Variants in FARP2 observed in about 807,000 individuals in gnomAD.
The protein encoded by FARP2 is FERM, ARH/RhoGEF and pleckstrin domain protein 2.
FARP2 carries 111 observed loss-of-function variants against 130.5 expected under a neutral mutation model. That is an observed-to-expected ratio of 0.85 (90% confidence interval 0.73 to 1.00). The LOEUF (loss-of-function observed/expected upper bound fraction) is 1.00. Ranked by LOEUF, FARP2 falls within the 50% of genes least tolerant of loss-of-function variation. The pLI, the probability that FARP2 is intolerant of heterozygous loss-of-function variation, is 0.00. For missense variants in FARP2, 1,385 were observed against 1,346.3 expected (o/e 1.03, Z -0.45); for synonymous variants, 504 against 516.9 (o/e 0.98, Z 0.34).
intron 8 of FARP2, among the ~76,000 whole-genome samples, chr2:241,424,989 C>G (rs544712465): frequency 1.3e-5 from 2 of 152,280 alleles, no homozygotes; most frequent in East Asian, 3.9e-4. Flanking sequence ...GGGCAGATCA[C>G]TTGATGTCAG....
Position 241,386,228 on chromosome 2 carries a change from C to G in FARP2, c.183+12938C>G, listed in dbSNP as rs534801437. Among the ~76,000 whole-genome samples the G allele has an allele frequency of 2.0e-5, 3 of 152,160 alleles. No homozygotes were observed. The East Asian group carries it at 5.8e-4, about 29-fold the overall frequency. ...CCATCTCAGCCTTCCAAGTGCCCCA[C>G]CACACCCAGCCAATTAAAAAATATA... On this transcript the variant is annotated intron_variant, in intron 2 of 26. Coordinates refer to ENST00000264042, the MANE Select transcript of FARP2 (RefSeq NM_014808.4).
intron 1 of FARP2, among the ~76,000 whole-genome samples, chr2:241,364,588 A>C (rs2061262504): frequency 6.6e-6 from 1 of 152,234 alleles, no homozygotes; most frequent in South Asian, 2.1e-4. Flanking sequence ...ATAGTCCAAG[A>C]AGTAAAGCTA....
chr2:241,487,060 A>G (rs545614773), intron 21 of FARP2, among the ~76,000 whole-genome samples: 5 of 152,082 alleles, frequency 3.3e-5, no homozygotes, highest in Non-Finnish European at 7.3e-5. Flanking sequence ...CGTGCTGGTC[A>G]CTCTGGTCTC....
chr2:241,476,475 G>T (rs2064467623), intron 19 of FARP2, among the ~76,000 whole-genome samples: 1 of 152,142 alleles, frequency 6.6e-6, no homozygotes, highest in African/African-American at 2.4e-5. Flanking sequence ...ATCACCTGAG[G>T]TTGGGAGTTC....
At chr2:241,368,982 A>C (rs1166130080) in intron 1 of FARP2, among the ~76,000 whole-genome samples, 1 of 152,140 alleles carries the variant, frequency 6.6e-6, no homozygotes, top group Non-Finnish European at 1.5e-5. Flanking sequence ...ACAGAGTACC[A>C]CAGGGTCATC....
At chr2:241,456,430 T>C (rs966662322) in intron 13 of FARP2, 1 of 241,756 alleles carries the variant, frequency 4.1e-6, no homozygotes, top group Admixed American at 5.5e-5. Context: ...TTTATCATAG[T>C]TACATATTCT....
intron 26 of FARP2, 74 bp downstream of exon 26, chr2:241,493,518 G>C (rs2065008211): frequency 1.2e-5 from 17 of 1,464,374 alleles, no homozygotes; most frequent in Non-Finnish European, 1.6e-5. Context: ...TACTCATGGT[G>C]GTGGAGGCAA....
chr2:241,407,408 C>A, intron 4 of FARP2, 129 bp from the exon 5 acceptor site: 1 of 699,802 alleles, frequency 1.4e-6, no homozygotes, highest in Non-Finnish European at 2.5e-6. Context: ...TTCTTAATAT[C>A]ATATTATTTG....
chr2:241,402,836 T>TTTTATA (rs1463491106), intron 2 of FARP2, among the ~76,000 whole-genome samples: 26 of 16,826 alleles, frequency 1.5e-3, no homozygotes, highest in South Asian at 2.4e-3. Flanking sequence ...CCCAGCTAAT[T>TTTTATA]TATATATATA....
chr2:241,463,401 A>G lies in FARP2; in HGVS notation c.1744A>G (p.Asn582Asp). ...GACTCTGATGACGCTGCTCTTCTCC[A>G]ACATCGATCCCATCTATGAGTTCCA... Reference protein sequence around the residue: ...PATLMTLLFSNIDPIYEFHRG... With the variant: ...PATLMTLLFSDIDPIYEFHRG... The change falls in exon 16 of 27, where the codon AAC becomes GAC. Residue 582 changes from asparagine to aspartate, a missense_variant. Physicochemically the swap from Asn to Asp is conservative, Grantham distance 23 (BLOSUM62 1). Coordinates refer to ENST00000264042, the MANE Select transcript of FARP2 (RefSeq NM_014808.4). 2 of 1,614,140 alleles carry G rather than the reference A, an allele frequency of 1.2e-6. No homozygotes were observed. The highest frequency in any genetic ancestry group is 1.7e-6 in the Non-Finnish European group (2 of 1,180,030).
rs757897858 is a variant in FARP2 at position 241,468,309 on chromosome 2, A to G, written c.2063A>G (p.Tyr688Cys). Reference protein sequence around the residue: ...LLKPIQRLLHYRLLLRRLCGH... With the variant: ...LLKPIQRLLHCRLLLRRLCGH... ...AAGCCCATCCAGCGGCTGCTGCACTACCGCCTGCTGCTGCGCCGCCTATGC... is the reference window on the plus strand; with the variant it reads ...AAGCCCATCCAGCGGCTGCTGCACTGCCGCCTGCTGCTGCGCCGCCTATGC... The change falls in exon 18 of 27, where the codon TAC becomes TGC. Residue 688 changes from tyrosine (Y) to cysteine (C), a missense_variant. By Grantham distance (194) the Tyr-to-Cys change is radical. Transcript: ENST00000264042. The G allele has an allele frequency of 6.2e-7, 1 of 1,613,234 alleles. No homozygotes were observed. The highest frequency in any genetic ancestry group is 8.5e-7 in the Non-Finnish European group (1 of 1,180,014).
At chr2:241,382,039 A>C (rs941662497) in intron 2 of FARP2, among the ~76,000 whole-genome samples, 1 of 152,216 alleles carries the variant, frequency 6.6e-6, no homozygotes, top group Non-Finnish European at 1.5e-5. Flanking sequence ...TGTACGCTGC[A>C]GAAAAACAGG....
intron 5 of FARP2, among the ~76,000 whole-genome samples, chr2:241,409,861 C>A (rs2062470470): frequency 6.6e-6 from 1 of 152,044 alleles, no homozygotes; most frequent in Non-Finnish European, 1.5e-5. Flanking sequence ...TCCAATATTT[C>A]TCTGTTATAA....
chr2:241,386,683 C>T (rs1416482890), intron 2 of FARP2: 1 of 152,204 alleles, frequency 6.6e-6, no homozygotes, highest in Non-Finnish European at 1.5e-5. Flanking sequence ...GTGCTGTTAG[C>T]AAGCTCCTTC....
chr2:241,386,290 T>A (rs1290217642), intron 2 of FARP2, among the ~76,000 whole-genome samples: 1 of 152,184 alleles, frequency 6.6e-6, no homozygotes, highest in African/African-American at 2.4e-5. Context: ...CCGCTGTTGT[T>A]GCTCAGGCTA....
intron 2 of FARP2, among the ~76,000 whole-genome samples, chr2:241,378,416 A>G (rs373411170): frequency 1.9e-5 from 2 of 107,668 alleles, no homozygotes; most frequent in African/African-American, 7.2e-5. Context: ...TGCCTGGCCT[A>G]TTTTTTTTTT....
At chr2:241,436,846 A>G (rs1397881582) in intron 12 of FARP2, among the ~76,000 whole-genome samples, 1 of 152,160 alleles carries the variant, frequency 6.6e-6, no homozygotes, top group Non-Finnish European at 1.5e-5. Flanking sequence ...TTAGCCGAGC[A>G]TGATGGTGGC....
At chr2:241,368,631 T>A (rs1431143912) in intron 1 of FARP2, among the ~76,000 whole-genome samples, 2 of 152,112 alleles carry the variant, frequency 1.3e-5, no homozygotes, top group Non-Finnish European at 2.9e-5. Context: ...GGTATTCTAT[T>A]AATGTATTTT....
chr2:241,434,931 C>CAG (rs775499669), intron 10 of FARP2, 31 bp from the exon 11 acceptor site: 5 of 1,317,820 alleles, frequency 3.8e-6, no homozygotes, highest in Non-Finnish European at 5.4e-6. Flanking sequence ...ACTTACTGTT[C>CAG]TTTATTAAAA....
Sources: allele counts gnomAD v4.1 joint callset (sites outside exome capture counted in the v4.1 genomes callset), GRCh38; gene constraint gnomAD v4.1.1; transcripts MANE v1.5; gene names NCBI Gene and HGNC (gene_info 2026-07-23, HGNC 2026-07-21).